The following KLF15 variants were observed in gnomAD, a reference collection of about 807,000 sequenced individuals.
KLF15 encodes KLF transcription factor 15.
Under a neutral mutation model 24.6 loss-of-function variants are expected in KLF15, and 4 were observed. The observed-to-expected ratio is 0.16, with a 90% CI of 0.08 to 0.37. The LOEUF (loss-of-function observed/expected upper bound fraction) is 0.37, where lower values mean the gene tolerates loss of function less well. Among genes scored for constraint, KLF15 ranks in the 10% least tolerant of loss-of-function variants. The probability of loss-of-function intolerance (pLI) is 1.00; values close to 1 mark genes in which losing one functional copy is unlikely to be tolerated. For missense variants in KLF15, 496 were observed against 560.6 expected (o/e 0.88, Z 1.16); for synonymous variants, 246 against 236.3 (o/e 1.04, Z -0.37).
chr3:126,311,113 G>C, the KLF15 span, among the ~76,000 whole-genome samples: 1 of 152,274 alleles, frequency 6.6e-6, no homozygotes, highest in African/African-American at 2.4e-5. Context: ...TACACCACTG[G>C]GCCCCTGCAG....
the KLF15 span, among the ~76,000 whole-genome samples, chr3:126,332,334 A>G: frequency 6.8e-6 from 1 of 146,976 alleles, no homozygotes; most frequent in South Asian, 2.4e-4. Flanking sequence ...ACTGCAGGGT[A>G]TTCCAACAGA....
At chr3:126,338,628 A>T (rs2082456705), downstream of KLF15, among the ~76,000 whole-genome samples, 1 of 152,208 alleles carries the variant, frequency 6.6e-6, no homozygotes, top group African/African-American at 2.4e-5. Flanking sequence ...GTAATGTCTT[A>T]TTACTTTCAC....
the KLF15 span, among the ~76,000 whole-genome samples, chr3:126,319,001 C>T: frequency 1.3e-5 from 2 of 152,234 alleles, no homozygotes; most frequent in Non-Finnish European, 2.9e-5. Context: ...TGATCTGTTT[C>T]CTGTCTCCAT....
At chr3:126,334,142 C>T in the KLF15 span, among the ~76,000 whole-genome samples, 2 of 152,038 alleles carry the variant, frequency 1.3e-5, no homozygotes, top group African/African-American at 4.8e-5. Flanking sequence ...CCACACCACA[C>T]CTATTCCAAA....
At chr3:126,324,049 T>G in the KLF15 span, among the ~76,000 whole-genome samples, 4 of 122,424 alleles carry the variant, frequency 3.3e-5, no homozygotes, top group Admixed American at 1.7e-4. Flanking sequence ...TGTGTCTTTA[T>G]AGTAGAGTGA....
the KLF15 span, among the ~76,000 whole-genome samples, chr3:126,327,951 G>A: frequency 2.0e-5 from 3 of 152,278 alleles, no homozygotes; most frequent in African/African-American, 7.2e-5. Flanking sequence ...TTTTCCATAA[G>A]TTATTGGGGT....
At chr3:126,322,993 T>C in the KLF15 span, among the ~76,000 whole-genome samples, 1 of 151,638 alleles carries the variant, frequency 6.6e-6, no homozygotes, top group African/African-American at 2.4e-5. Flanking sequence ...AAAATTCATA[T>C]ATAATGATAT....
chr3:126,299,382 C>T, the KLF15 span, among the ~76,000 whole-genome samples: 53 of 151,904 alleles, frequency 3.5e-4, no homozygotes, highest in Non-Finnish European at 5.9e-4. Context: ...ATTCATTTAT[C>T]GTATCTAGGA....
chr3:126,294,741 C>T, the KLF15 span, among the ~76,000 whole-genome samples: 3 of 152,028 alleles, frequency 2.0e-5, no homozygotes, highest in Non-Finnish European at 4.4e-5. Flanking sequence ...CAGAGAAAAT[C>T]GGGTTCCTTC....
chr3:126,323,158 C>A, the KLF15 span, among the ~76,000 whole-genome samples: 1,106 of 149,786 alleles, frequency 7.4e-3, 14 homozygotes, highest in Non-Finnish European at 0.012. Context: ...GTAAAGAATA[C>A]CCATACACCC....
rs2082587821 is a variant in KLF15, at chr3:126,352,075, G to A, written c.848C>T (p.Pro283Leu). ...NLPSKFVRIA[P>L]VPIAAKPVGS... ...AACAGGCTTGGCGGCAATGGGCACAGGGGCAATGCGCACAAACTTGGAGGG... is the reference window on the plus strand; with the variant it reads ...AACAGGCTTGGCGGCAATGGGCACAAGGGCAATGCGCACAAACTTGGAGGG... The change falls in exon 2 of 3, where the codon CCT becomes CTT. Residue 283 changes from proline (P) to leucine (L), a missense_variant. Pro to Leu is a moderately conservative substitution (Grantham distance 98). Around this residue, in one of 3 missense-constraint regions of KLF15, gnomAD observed 399 missense variants for 423.1 expected, o/e 0.94. Coordinates refer to ENST00000296233, the MANE Select transcript of KLF15 (RefSeq NM_014079.4). The A allele has an allele frequency of 2.6e-6, 4 of 1,539,922 alleles. No homozygotes were observed. The highest frequency in any genetic ancestry group is 2.7e-5 in the African/African-American group (2 of 73,214).
the KLF15 span, among the ~76,000 whole-genome samples, chr3:126,314,989 G>A: frequency 1.6e-4 from 25 of 152,330 alleles, no homozygotes; most frequent in African/African-American, 5.8e-4. Flanking sequence ...GGGGAAGGAA[G>A]TCCAGGATGA....
chr3:126,352,298 C>G lies in KLF15; in HGVS notation c.625G>C (p.Gly209Arg), dbSNP rs2082590380. ...ASAGGAQGPG[G>R]GPTPDGPIPV... The stretch of plus-strand genomic sequence containing the variant: ...ATGGGGCCATCAGGCGTGGGGCCCC[C>G]ACCTGGGCCCTGGGCACCTCCTGCA... The change falls in exon 2 of 3, where the codon GGG becomes CGG. Residue 209 changes from glycine (G) to arginine (R), a missense_variant. Around this residue, in one of 3 missense-constraint regions of KLF15, gnomAD observed 399 missense variants for 423.1 expected, o/e 0.94. Coordinates refer to ENST00000296233, the MANE Select transcript of KLF15 (RefSeq NM_014079.4). The G allele has an allele frequency of 3.9e-6, 6 of 1,550,264 alleles. No homozygotes were observed. The highest frequency in any genetic ancestry group is 5.2e-6 in the Non-Finnish European group (6 of 1,151,454).
chr3:126,331,787 G>A, the KLF15 span, among the ~76,000 whole-genome samples: 45 of 152,330 alleles, frequency 3.0e-4, no homozygotes, highest in African/African-American at 9.9e-4. Flanking sequence ...GAAGCAGGGC[G>A]AGGCATTGCC....
chr3:126,351,534 C>A (rs1053191447), intron 2 of KLF15, among the ~76,000 whole-genome samples: 2 of 152,142 alleles, frequency 1.3e-5, no homozygotes, highest in African/African-American at 2.4e-5. Flanking sequence ...ACTCATCCTT[C>A]CTCGCCAGCC....
At chr3:126,333,689 G>A in the KLF15 span, among the ~76,000 whole-genome samples, 10 of 148,086 alleles carry the variant, frequency 6.8e-5, no homozygotes, top group African/African-American at 2.5e-4. Flanking sequence ...CTCACGTGCA[G>A]AGACACACAT....
the KLF15 span, among the ~76,000 whole-genome samples, chr3:126,323,515 C>CAT: frequency 8.0e-6 from 1 of 125,720 alleles, no homozygotes; most frequent in Non-Finnish European, 1.6e-5. Context: ...TACTATATAA[C>CAT]ATATATATAT....
At chr3:126,313,851 T>C in the KLF15 span, among the ~76,000 whole-genome samples, 1 of 152,244 alleles carries the variant, frequency 6.6e-6, no homozygotes, top group African/African-American at 2.4e-5. Context: ...GGGCACGTTG[T>C]GTGGCTAAAG....
chr3:126,311,351 G>A, the KLF15 span, among the ~76,000 whole-genome samples: 2 of 152,174 alleles, frequency 1.3e-5, no homozygotes, highest in African/African-American at 4.8e-5. Flanking sequence ...CAGGAGGGAG[G>A]CAAAGCTTCT....
Sources: gnomAD v4.1 joint callset for allele counts (sites outside exome capture counted in the v4.1 genomes callset) on GRCh38, gnomAD v4.1.1 for gene constraint, gnomAD v4.1.1 regional missense constraint, MANE v1.5 for transcripts, NCBI Gene and HGNC (gene_info 2026-07-23, HGNC 2026-07-21) for gene names.